SNX31: variants seen among roughly 807,000 people sequenced by gnomAD.
The protein encoded by SNX31 is sorting nexin-31.
In SNX31, 58 loss-of-function variants were observed where a neutral mutation model predicts 65.4. That is an observed-to-expected ratio of 0.89 (90% CI 0.72 to 1.10). The LOEUF is 1.10. Among genes scored for constraint, SNX31 ranks in the 50% least tolerant of loss-of-function variants. SNX31 has a pLI of 0.00. For missense variants in SNX31, 523 were observed against 529.7 expected (o/e 0.99, Z 0.12); for synonymous variants, 181 against 190.1 (o/e 0.95, Z 0.39).
In SNX31 at chr8:100,594,674, G is replaced by C. The variant is rs991740202; in HGVS notation, c.978+1965C>G. Among the ~76,000 whole-genome samples, 1 of 152,158 alleles carries C rather than the reference G, an allele frequency of 6.6e-6. No individual in the cohort carries two copies. The highest frequency in any genetic ancestry group is 2.4e-5 in the African/African-American group (1 of 41,428). On this transcript the variant is annotated intron_variant, in intron 10 of 13. Coordinates refer to ENST00000311812, the MANE Select transcript of SNX31 (RefSeq NM_152628.4). This position sits in a 1 kb window ranked among gnomAD's most constrained non-coding sequence, Gnocchi z 4.0. Reference sequence around the variant, plus strand: ...ATGCTGGTGAGAATGCAGAAAACTGGTTCACTCACACATTGCTGGTGGGAA... The same window carrying C: ...ATGCTGGTGAGAATGCAGAAAACTGCTTCACTCACACATTGCTGGTGGGAA...
chr8:100,645,284 C>T (rs968160476), intron 2 of SNX31, among the ~76,000 whole-genome samples: 1 of 152,218 alleles, frequency 6.6e-6, no homozygotes, highest in Non-Finnish European at 1.5e-5. Context: ...AACACACACA[C>T]AGATGGGACC....
chr8:100,660,661 C>T lies in SNX31; in HGVS notation c.-58+2481G>A, dbSNP rs1025507510. On this transcript the variant is annotated intron_variant, in intron 1 of 5. Coordinates refer to the SNX31 transcript ENST00000520352. The surrounding 1 kb of genome is among the most constrained non-coding windows in gnomAD (Gnocchi z 4.1). Reference sequence around the variant, plus strand: ...TCCTATATTCAGCCTTCCCCACTAACACTGGCCTGGCCTCTCCCAGCAGCC... The same window carrying T: ...TCCTATATTCAGCCTTCCCCACTAATACTGGCCTGGCCTCTCCCAGCAGCC... Among the ~76,000 whole-genome samples, 1 of 152,232 alleles carries T rather than the reference C, an allele frequency of 6.6e-6. No homozygotes were observed. Among genetic ancestry groups the T allele is most frequent in the African/African-American group, 2.4e-5 (1 of 41,462 alleles).
chr8:100,649,593 G>T lies in SNX31; in HGVS notation c.-79C>A. On this transcript the variant is annotated 5_prime_UTR_variant, in exon 1 of 14. Coordinates refer to ENST00000311812, the MANE Select transcript of SNX31 (RefSeq NM_152628.4). ...GGTGCGCGGCTCTGAACTCGGCAGC[G>T]GTGGACGCAGCGCGGCCTGCCACGC... 7.3e-7 allele frequency: 1 copy of T among 1,368,742 alleles called. No homozygotes were observed. Among genetic ancestry groups the T allele is most frequent in the Non-Finnish European group, 1.0e-6 (1 of 994,660 alleles). The allele number at this position is 1,368,742 out of a possible 1,614,324, so 84.8% of individuals were successfully genotyped here. A position where few individuals can be genotyped will look rare whatever the true frequency, so the allele number is the denominator to read the frequency against.
rs897857174 is a variant in SNX31, at chr8:100,641,100, T to TA, written c.142-5090dup. Among the ~76,000 whole-genome samples the TA allele has an allele frequency of 9.2e-5, 14 of 152,068 alleles. No individual in the cohort carries two copies. The South Asian group carries it at 1.9e-3, about 20-fold the overall frequency. The stretch of plus-strand genomic sequence containing the variant: ...AACTGTTTCAAAAATTAAGTTTATT[T>TA]AAAAAAAAACTGATGTTCTGGCTTC... On this transcript the variant is annotated intron_variant, in intron 2 of 13. Coordinates refer to ENST00000311812, the MANE Select transcript of SNX31 (RefSeq NM_152628.4).
At position 100,578,154 on chromosome 8, in the gene SNX31, G is replaced by A. The variant is rs1444914205; in HGVS notation, c.1171-1079C>T. On this transcript the variant is annotated intron_variant, in intron 12 of 13. Transcript: ENST00000311812. This position sits in a 1 kb window ranked among gnomAD's most constrained non-coding sequence, Gnocchi z 4.7. ...ATTGAGGGTAAGGTTGTAGTACACA[G>A]TCTCCCAGGGCACAGAGCAGAGTGG... 2.0e-5 allele frequency among the ~76,000 whole-genome samples: 3 copies of A among 152,208 alleles called. No homozygotes were observed. The highest frequency in any genetic ancestry group is 7.2e-5 in the African/African-American group (3 of 41,452).
intron 4 of SNX31, chr8:100,619,102 T>C (rs73699432): frequency 0.066 from 10,073 of 152,030 alleles, 853 homozygotes; most frequent in African/African-American, 0.19. Flanking sequence ...TGATACTATC[T>C]CGGAGTCCCC....
chr8:100,629,256 A>T lies in SNX31; in HGVS notation c.321+1071T>A, dbSNP rs1587011475. On this transcript the variant is annotated intron_variant, in intron 4 of 13. Coordinates refer to ENST00000311812, the MANE Select transcript of SNX31 (RefSeq NM_152628.4). The surrounding 1 kb of genome is among the most constrained non-coding windows in gnomAD (Gnocchi z 5.1). ...AGCACTATAAACTATTAGACTATAC[A>T]CAACAGTTGTCACTGAGGAGGGGGA... 1.3e-5 allele frequency among the ~76,000 whole-genome samples: 2 copies of T among 152,346 alleles called. No homozygotes were observed.
rs1261201594 is a variant in SNX31, at chr8:100,625,992, C to T, written c.321+4335G>A. Among the ~76,000 whole-genome samples, 2 of 152,040 alleles carry T rather than the reference C, an allele frequency of 1.3e-5. No individual in the cohort carries two copies. The highest frequency in any genetic ancestry group is 2.4e-5 in the African/African-American group (1 of 41,404). On this transcript the variant is annotated intron_variant, in intron 4 of 13. Transcript: ENST00000311812. The surrounding 1 kb of genome is among the most constrained non-coding windows in gnomAD (Gnocchi z 4.2). ...CTATAATCCCAGCAGTTTGGGAGGC[C>T]GAGATGGGTAGATCACCTGAGGTCA...
intron 10 of SNX31, among the ~76,000 whole-genome samples, chr8:100,592,633 C>G (rs970503634): frequency 6.6e-6 from 1 of 152,062 alleles, no homozygotes; most frequent in Non-Finnish European, 1.5e-5. Flanking sequence ...GGTATATACT[C>G]AAGAGACATA....
chr8:100,579,685 T>C (rs1246945169), intron 12 of SNX31, among the ~76,000 whole-genome samples: 3 of 152,198 alleles, frequency 2.0e-5, no homozygotes, highest in Non-Finnish European at 4.4e-5. Context: ...GAAAGAAGAA[T>C]GGAGGGAAAA....
At chr8:100,598,830 C>T (rs1008122915) in intron 9 of SNX31, among the ~76,000 whole-genome samples, 6 of 152,202 alleles carry the variant, frequency 3.9e-5, no homozygotes, top group African/African-American at 1.2e-4. Context: ...CTACTTACCT[C>T]TGCCACTGCA....
rs34516016 is a variant in SNX31 at position 100,657,452 on chromosome 8, CAA to C, written c.-58+5688_-58+5689del. On this transcript the variant is annotated intron_variant, in intron 1 of 5. Transcript: ENST00000520352. ...GGGCAACAAGAGCAAAACTCCAACT[CAA>C]AAAAAAAAAAAGAAAAAAGAAAAAA... Among the ~76,000 whole-genome samples the C allele has an allele frequency of 9.1e-3, 936 of 102,380 alleles. 13 individuals are homozygous for C. Among genetic ancestry groups the C allele is most frequent in the African/African-American group, 0.029 (826 of 28,632 alleles). The allele number at this position is 102,380 out of a possible 152,430, so 67.2% of individuals were successfully genotyped here. A position where few individuals can be genotyped will look rare whatever the true frequency, so the allele number is the denominator to read the frequency against.
At chr8:100,659,485 T>G (rs981366807) in intron 1 of SNX31, among the ~76,000 whole-genome samples, 5 of 152,160 alleles carry the variant, frequency 3.3e-5, no homozygotes, top group Non-Finnish European at 7.3e-5. Flanking sequence ...TCTAAGATAT[T>G]TGGTTTGAGG....
At chr8:100,659,191 T>C (rs1290737267) in intron 1 of SNX31, among the ~76,000 whole-genome samples, 3 of 151,498 alleles carry the variant, frequency 2.0e-5, no homozygotes, top group Non-Finnish European at 4.4e-5. Flanking sequence ...ACTAAAAATA[T>C]AAAAATTAGC....
In SNX31 at chr8:100,629,177, A is replaced by C. The variant is rs554875641; in HGVS notation, c.321+1150T>G. Reference sequence around the variant, plus strand: ...TGTGTATATATATGTGTGCATGTACATATATATGTATATATATGCATGCTT... The same window carrying C: ...TGTGTATATATATGTGTGCATGTACCTATATATGTATATATATGCATGCTT... On this transcript the variant is annotated intron_variant, in intron 4 of 13. Transcript: ENST00000311812. The surrounding 1 kb of genome is among the most constrained non-coding windows in gnomAD (Gnocchi z 5.1). 8.5e-5 allele frequency among the ~76,000 whole-genome samples: 13 copies of C among 152,252 alleles called. No individual in the cohort carries two copies. In the South Asian group the frequency reaches 2.5e-3, roughly 29 times the overall value.
chr8:100,589,433 T>G (rs1370148669), intron 10 of SNX31, among the ~76,000 whole-genome samples: 1 of 151,984 alleles, frequency 6.6e-6, no homozygotes, highest in Non-Finnish European at 1.5e-5. Context: ...GATATATTAA[T>G]AGTTAAGTGT....
intron 12 of SNX31, among the ~76,000 whole-genome samples, chr8:100,580,174 AAAAC>A: frequency 6.6e-6 from 1 of 152,082 alleles, no homozygotes; most frequent in Middle Eastern, 3.4e-3. Context: ...AAAAAAAAAA[AAAAC>A]AGTCTTTTTA....
At chr8:100,608,441 A>C in intron 8 of SNX31, 53 bp downstream of exon 8, 1 of 1,575,506 alleles carries the variant, frequency 6.3e-7, no homozygotes, top group East Asian at 2.2e-5. Flanking sequence ...AGTGGCTCCA[A>C]GCCAACATGG....
intron 3 of SNX31, among the ~76,000 whole-genome samples, chr8:100,632,298 C>T (rs1403667461): frequency 2.0e-5 from 3 of 151,890 alleles, no homozygotes; most frequent in Admixed American, 1.3e-4. Flanking sequence ...TGCTAAGACA[C>T]GAGAAAACAA....
Sources: allele counts gnomAD v4.1 joint callset (sites outside exome capture counted in the v4.1 genomes callset), GRCh38; gene constraint gnomAD v4.1.1; non-coding constraint Gnocchi (gnomAD v3.1); transcripts MANE v1.5; gene names NCBI Gene and HGNC (gene_info 2026-07-23, HGNC 2026-07-21).